The following STUM variants were observed in gnomAD, a reference collection of about 807,000 sequenced individuals.
STUM encodes stum, mechanosensory transduction mediator homolog.
Under a neutral mutation model 15.3 loss-of-function variants are expected in STUM, and 8 were observed. That is an observed-to-expected ratio of 0.52 (90% confidence interval 0.31 to 0.94). The LOEUF is 0.94. Among genes scored for constraint, STUM ranks in the 40% least tolerant of loss-of-function variants. The pLI is 0.05. For synonymous variants in STUM, 78 were observed against 88.7 expected (o/e 0.88, Z 0.68); for missense variants, 142 against 204.9 (o/e 0.69, Z 1.87).
chr1:226,595,340 G>C (rs1245264610), intron 1 of STUM, among the ~76,000 whole-genome samples: 4 of 152,222 alleles, frequency 2.6e-5, no homozygotes. Context: ...CCTACACTGA[G>C]AGCGAGTCTT....
At position 226,552,362 on chromosome 1, in the gene STUM, A is replaced by C. The variant is rs1667385957; in HGVS notation, c.202+3256A>C. Among the ~76,000 whole-genome samples, 1 of 152,170 alleles carries C rather than the reference A, an allele frequency of 6.6e-6. No homozygotes were observed. The highest frequency in any genetic ancestry group is 1.5e-5 in the Non-Finnish European group (1 of 68,026). ...AGTCACCTCTAGTCCTATTCAGTGA[A>C]ACTCTACTAATAAAGACCACCGTTG... On this transcript the variant is annotated intron_variant, in intron 1 of 3. Coordinates refer to ENST00000366788, the MANE Select transcript of STUM (RefSeq NM_001003665.4). The surrounding 1 kb of genome is among the most constrained non-coding windows in gnomAD (Gnocchi z 4.7).
At chr1:226,555,031 T>C (rs111291964) in intron 1 of STUM, among the ~76,000 whole-genome samples, 1 of 152,178 alleles carries the variant, frequency 6.6e-6, no homozygotes, top group Non-Finnish European at 1.5e-5. Context: ...GCACCGGCCA[T>C]AGGGGCTCAC....
At chr1:226,583,601 C>T (rs1667951038) in intron 1 of STUM, among the ~76,000 whole-genome samples, 1 of 152,208 alleles carries the variant, frequency 6.6e-6, no homozygotes, top group South Asian at 2.1e-4. Context: ...TAGAAAGGTC[C>T]TCAGGGAGCT....
At chr1:226,551,236 G>A (rs1667371893) in intron 1 of STUM, among the ~76,000 whole-genome samples, 3 of 152,154 alleles carry the variant, frequency 2.0e-5, no homozygotes, top group Admixed American at 1.3e-4. Context: ...AGGATGAAAC[G>A]TGATTACATA....
At chr1:226,559,968 C>T (rs1407473775) in intron 1 of STUM, among the ~76,000 whole-genome samples, 42 of 80,838 alleles carry the variant, frequency 5.2e-4, no homozygotes, top group South Asian at 4.4e-3. Flanking sequence ...AGCAAGACTC[C>T]GTCTCAAAAA....
intron 1 of STUM, among the ~76,000 whole-genome samples, chr1:226,574,055 C>G (rs1667765483): frequency 6.6e-6 from 1 of 152,196 alleles, no homozygotes; most frequent in African/African-American, 2.4e-5. Flanking sequence ...AGGCTGGTCT[C>G]AAACTCCTGA....
intron 1 of STUM, among the ~76,000 whole-genome samples, chr1:226,562,592 A>G (rs1192248053): frequency 1.3e-5 from 2 of 152,238 alleles, no homozygotes; most frequent in Non-Finnish European, 2.9e-5. Flanking sequence ...GGAACACAAT[A>G]GCACTTTTGT....
intron 1 of STUM, among the ~76,000 whole-genome samples, chr1:226,589,899 C>T (rs1256043945): frequency 1.3e-5 from 2 of 152,118 alleles, no homozygotes; most frequent in Non-Finnish European, 2.9e-5. Context: ...CAGGCTAATT[C>T]CTCCACCCAT....
intron 1 of STUM, among the ~76,000 whole-genome samples, chr1:226,553,604 A>G (rs774508627): frequency 4.6e-5 from 7 of 152,244 alleles, no homozygotes; most frequent in Non-Finnish European, 7.3e-5. Flanking sequence ...CTGGAAAAAC[A>G]AAACATTTCT....
intron 1 of STUM, among the ~76,000 whole-genome samples, chr1:226,587,572 C>T (rs993628560): frequency 2.6e-5 from 4 of 152,116 alleles, no homozygotes; most frequent in African/African-American, 7.2e-5. Flanking sequence ...ACGCATTTGC[C>T]GGAGAACCCT....
intron 1 of STUM, among the ~76,000 whole-genome samples, chr1:226,569,518 G>A (rs1024267347): frequency 7.2e-5 from 11 of 152,172 alleles, no homozygotes; most frequent in African/African-American, 2.4e-4. Flanking sequence ...CATGGCTGAT[G>A]TGCGGTCCCA....
chr1:226,570,944 T>G (rs1239901299), intron 1 of STUM, among the ~76,000 whole-genome samples: 1 of 152,122 alleles, frequency 6.6e-6, no homozygotes, highest in Non-Finnish European at 1.5e-5. Context: ...AAAAGCAAAT[T>G]TGTAGGCCAG....
rs1200898797 is a variant in STUM at position 226,603,082 on chromosome 1, G to A, written c.*1042G>A. The A allele has an allele frequency of 6.6e-6, 1 of 152,158 alleles. No individual in the cohort carries two copies. The highest frequency in any genetic ancestry group is 1.5e-5 in the Non-Finnish European group (1 of 68,018). The allele number at this position is 152,158 out of a possible 1,614,324, so 9.4% of individuals were successfully genotyped here. On this transcript the variant is annotated 3_prime_UTR_variant, in exon 4 of 4. Transcript: ENST00000366788. ...CCTCACCTCAGTTCAGTCTAATTTT[G>A]CCACTAAGTAACTTAGGGAAAAACT...
At position 226,549,582 on chromosome 1, in the gene STUM, G is replaced by A. The variant is rs1370290865; in HGVS notation, c.202+476G>A. Among the ~76,000 whole-genome samples the A allele has an allele frequency of 1.3e-5, 2 of 152,218 alleles. No homozygotes were observed. The highest frequency in any genetic ancestry group is 2.9e-5 in the Non-Finnish European group (2 of 68,048). On this transcript the variant is annotated intron_variant, in intron 1 of 3. Transcript: ENST00000366788. This position sits in a 1 kb window ranked among gnomAD's most constrained non-coding sequence, Gnocchi z 6.8. ...CAGCTGAGCCGGGGAAAGAGGACGA[G>A]CCGGGCTAGATATACCTGCAGCCCC...
chr1:226,568,282 T>C (rs1339108775), intron 1 of STUM, among the ~76,000 whole-genome samples: 1 of 152,140 alleles, frequency 6.6e-6, no homozygotes, highest in African/African-American at 2.4e-5. Flanking sequence ...GTGGGCCTCA[T>C]TCCGAGGGTG....
intron 2 of STUM, among the ~76,000 whole-genome samples, chr1:226,598,685 T>C (rs1668219682): frequency 6.6e-6 from 1 of 152,200 alleles, no homozygotes; most frequent in Admixed American, 6.5e-5. Context: ...TCCTCTGCTG[T>C]GGCTGGTGTG....
chr1:226,603,429 T>C lies in STUM; in HGVS notation c.*1389T>C, dbSNP rs563906751. On this transcript the variant is annotated 3_prime_UTR_variant, in exon 4 of 4. Transcript: ENST00000366788. The stretch of plus-strand genomic sequence containing the variant: ...GAGGATGGACATTTACATGTCTGTT[T>C]CCTTTCCTTTCATTTTCATTCTAAC... 2.6e-5 allele frequency: 4 copies of C among 152,378 alleles called. No homozygotes were observed. The South Asian group carries it at 8.3e-4, about 32-fold the overall frequency. 9.4% of individuals were successfully genotyped at this position (152,378 alleles called of 1,614,324 possible). A position where few individuals can be genotyped will look rare whatever the true frequency, so the allele number is the denominator to read the frequency against.
At chr1:226,561,518 G>A (rs1214739824) in intron 1 of STUM, among the ~76,000 whole-genome samples, 20 of 152,172 alleles carry the variant, frequency 1.3e-4, no homozygotes. Context: ...AACTGGAACA[G>A]AGGAGAGTTG....
At chr1:226,563,769 G>A (rs372426838) in intron 1 of STUM, among the ~76,000 whole-genome samples, 11 of 152,372 alleles carry the variant, frequency 7.2e-5, no homozygotes, top group South Asian at 4.1e-4. Flanking sequence ...TTGCCATGCC[G>A]AGAGGGCATG....
Sources: gnomAD v4.1 joint callset for allele counts (sites outside exome capture counted in the v4.1 genomes callset) on GRCh38, gnomAD v4.1.1 for gene constraint, Gnocchi (gnomAD v3.1) non-coding constraint, MANE v1.5 for transcripts, NCBI Gene and HGNC (gene_info 2026-07-23, HGNC 2026-07-21) for gene names.